The following ITGA1 variants were observed in gnomAD, a reference collection of about 807,000 sequenced individuals.
ITGA1 encodes integrin alpha-1.
ITGA1 carries 85 observed loss-of-function variants against 145.9 expected under a neutral mutation model. The observed-to-expected ratio is 0.58, with a 90% CI of 0.49 to 0.70. The LOEUF (loss-of-function observed/expected upper bound fraction) is 0.70, where lower values mean the gene tolerates loss of function less well. Ranked by LOEUF, ITGA1 falls within the 30% of genes least tolerant of loss-of-function variation. The pLI is 0.00. For synonymous variants in ITGA1, 520 were observed against 495.3 expected (o/e 1.05, Z -0.66); for missense variants, 1,351 against 1,418.7 (o/e 0.95, Z 0.77).
At chr5:52,911,881 CTATA>C (rs1452423905) in intron 14 of ITGA1, among the ~76,000 whole-genome samples, 1 of 125,572 alleles carries the variant, frequency 8.0e-6, no homozygotes, top group Non-Finnish European at 1.6e-5. Flanking sequence ...TATAGATACA[CTATA>C]TATAGCATAT....
At chr5:52,802,937 T>C (rs1748517525) in intron 1 of ITGA1, 1 of 152,210 alleles carries the variant, frequency 6.6e-6, no homozygotes, top group African/African-American at 2.4e-5. Context: ...TAAAATATTA[T>C]TTTTATTATT....
intron 8 of ITGA1, among the ~76,000 whole-genome samples, chr5:52,888,597 G>A (rs1164605957): frequency 6.6e-6 from 1 of 152,180 alleles, no homozygotes; most frequent in Non-Finnish European, 1.5e-5. Flanking sequence ...ATAAGCTCCT[G>A]GTATAGACCT....
Position 52,816,121 on chromosome 5 carries a change from T to C in ITGA1, c.61+27707T>C, listed in dbSNP as rs560697329. Among the ~76,000 whole-genome samples, 16 of 152,280 alleles carry C rather than the reference T, an allele frequency of 1.1e-4. No individual in the cohort carries two copies. In the East Asian group the frequency reaches 3.1e-3, roughly 29 times the overall value. On this transcript the variant is annotated intron_variant, in intron 1 of 28. Transcript: ENST00000282588. ...GTTACAACCTATTGTGTTTTTTTAA[T>C]TGATTGAGATTATTAACACTTTTTA... is the stretch of plus-strand genomic sequence containing the variant.
intron 6 of ITGA1, among the ~76,000 whole-genome samples, chr5:52,870,468 A>G (rs1749761292): frequency 6.6e-6 from 1 of 152,170 alleles, no homozygotes; most frequent in Non-Finnish European, 1.5e-5. Flanking sequence ...TGTAGAGAGG[A>G]TTTCTCTGTA....
rs934406033 is a variant in ITGA1, at chr5:52,865,191, C to T, written c.496+109C>T. On this transcript the variant is annotated intron_variant, in intron 5 of 28. Coordinates refer to ENST00000282588, the MANE Select transcript of ITGA1 (RefSeq NM_181501.2). ...AAGCTTAAAGTATTTTCTTAGCTAC[C>T]AGCATTACCAATTTAGGTAAATGTT... 4.1e-6 allele frequency: 3 copies of T among 727,688 alleles called. No individual in the cohort carries two copies. In the Admixed American group the frequency reaches 9.4e-5, roughly 23 times the overall value. The allele number at this position is 727,688 out of a possible 1,614,324, so 45.1% of individuals were successfully genotyped here. A position where few individuals can be genotyped will look rare whatever the true frequency, so the allele number is the denominator to read the frequency against.
rs766482675 is a variant in ITGA1, at chr5:52,915,565, T to TG, written c.1964dup (p.Leu656ProfsTer16). The stretch of plus-strand genomic sequence containing the variant: ...GTGACGGTCTGACAGATGTGACTAT[T>TG]GGGGGCCTTGGTGGTGCTGCCCTCT... On this transcript the variant is annotated frameshift_variant, in exon 15 of 29. Transcript: ENST00000282588. LOFTEE classifies it high-confidence loss of function. The TG allele has an allele frequency of 6.2e-7, 1 of 1,614,060 alleles. No homozygotes were observed. Among genetic ancestry groups the TG allele is most frequent in the East Asian group, 2.2e-5 (1 of 44,852 alleles).
chr5:52,873,897 A>ACCC (rs1359433026), intron 6 of ITGA1, among the ~76,000 whole-genome samples: 2 of 152,128 alleles, frequency 1.3e-5, no homozygotes, highest in Non-Finnish European at 2.9e-5. Flanking sequence ...CTGGGCATTA[A>ACCC]AATTTGGGTG....
intron 26 of ITGA1, among the ~76,000 whole-genome samples, chr5:52,942,371 T>C (rs1042292908): frequency 6.6e-6 from 1 of 152,196 alleles, no homozygotes; most frequent in Non-Finnish European, 1.5e-5. Flanking sequence ...TTGGGCAGTA[T>C]GGCCATTTAA....
chr5:52,834,053 T>G (rs1217520618), intron 1 of ITGA1, among the ~76,000 whole-genome samples: 1 of 152,184 alleles, frequency 6.6e-6, no homozygotes. Flanking sequence ...TATAGAACAA[T>G]GTACAATAAC....
At chr5:52,839,429 G>C (rs1013075975) in intron 1 of ITGA1, among the ~76,000 whole-genome samples, 6 of 152,136 alleles carry the variant, frequency 3.9e-5, no homozygotes, top group Middle Eastern at 3.2e-3. Flanking sequence ...AGGGAGAATA[G>C]CTTTTGGCTC....
At chr5:52,944,323 C>T in intron 26 of ITGA1, among the ~76,000 whole-genome samples, 1 of 152,054 alleles carries the variant, frequency 6.6e-6, no homozygotes, top group Non-Finnish European at 1.5e-5. Flanking sequence ...TCCCTCAGTC[C>T]CCTCCCTCAC....
chr5:52,801,870 G>T (rs1392549317), intron 1 of ITGA1: 1 of 1,502,180 alleles, frequency 6.7e-7, no homozygotes, highest in South Asian at 1.3e-5. Flanking sequence ...AGACAATCTT[G>T]TGTTTCCTAA....
intron 1 of ITGA1, among the ~76,000 whole-genome samples, chr5:52,816,404 C>A (rs1050222731): frequency 6.6e-6 from 1 of 152,026 alleles, no homozygotes; most frequent in African/African-American, 2.4e-5. Flanking sequence ...AGGTTTAAAC[C>A]GTGAAGTTAG....
chr5:52,857,578 A>C (rs1036128066), intron 2 of ITGA1, among the ~76,000 whole-genome samples: 1 of 151,654 alleles, frequency 6.6e-6, no homozygotes, highest in Non-Finnish European at 1.5e-5. Context: ...CTTGCCTCCT[A>C]TTCTTTATAT....
chr5:52,940,636 C>A (rs1751042264), intron 26 of ITGA1, among the ~76,000 whole-genome samples: 1 of 152,054 alleles, frequency 6.6e-6, no homozygotes, highest in Non-Finnish European at 1.5e-5. Context: ...AAAGCCAAAT[C>A]TGTCTGACAA....
Position 52,905,763 on chromosome 5 carries a change from G to A in ITGA1, c.1310G>A (p.Gly437Asp). The A allele has an allele frequency of 6.2e-7, 1 of 1,612,162 alleles. No homozygotes were observed. Among genetic ancestry groups the A allele is most frequent in the Non-Finnish European group, 8.5e-7 (1 of 1,178,992 alleles). ...KKNEPLASYL[G>D]YTVNSATASS... Reference sequence around the variant, plus strand: ...ATACCTGGAATCTTTCTTTTGTTAGGTTACACTGTAAACTCTGCTACTGCT... The same window carrying A: ...ATACCTGGAATCTTTCTTTTGTTAGATTACACTGTAAACTCTGCTACTGCT... The change falls in exon 12 of 29, where the codon GGT becomes GAT. Residue 437 changes from glycine to aspartate, a missense_variant and splice_region_variant. By Grantham distance (94) the Gly-to-Asp change is moderately conservative. Coordinates refer to ENST00000282588, the MANE Select transcript of ITGA1 (RefSeq NM_181501.2).
At chr5:52,831,721 T>A (rs1580052220) in intron 1 of ITGA1, among the ~76,000 whole-genome samples, 1 of 151,668 alleles carries the variant, frequency 6.6e-6, no homozygotes, top group East Asian at 1.9e-4. Flanking sequence ...AATATATTTT[T>A]TTTACCTTTT....
Position 52,958,035 on chromosome 5 carries a change from T to C in ITGA1, c.*5584T>C, listed in dbSNP as rs1397245112. On this transcript the variant is annotated 3_prime_UTR_variant, in exon 29 of 29. Coordinates refer to ENST00000282588, the MANE Select transcript of ITGA1 (RefSeq NM_181501.2). ...GAAAGCCAGTTGTGGTCTTGAAAAA[T>C]CTCTCTATTGCATTACTTATCCTCA... 6.6e-6 allele frequency: 1 copy of C among 152,180 alleles called. No individual in the cohort carries two copies. The highest frequency in any genetic ancestry group is 1.9e-4 in the East Asian group (1 of 5,172). The allele number at this position is 152,180 out of a possible 1,614,324, so 9.4% of individuals were successfully genotyped here.
At chr5:52,889,981 C>T (rs1026694507) in intron 8 of ITGA1, 13 of 151,590 alleles carry the variant, frequency 8.6e-5, no homozygotes, top group East Asian at 3.9e-4. Context: ...TGAATTAATC[C>T]GATCCTTGCT....
Sources: gnomAD v4.1 joint callset for allele counts (sites outside exome capture counted in the v4.1 genomes callset) on GRCh38, gnomAD v4.1.1 for gene constraint, MANE v1.5 for transcripts, NCBI Gene and HGNC (gene_info 2026-07-23, HGNC 2026-07-21) for gene names.